The following KIF19 variants were observed in gnomAD, a reference collection of about 807,000 sequenced individuals.
KIF19 encodes the protein kinesin-like protein KIF19.
In KIF19, 98 loss-of-function variants were observed where a neutral mutation model predicts 106.6. The observed-to-expected ratio is 0.92, with a 90% confidence interval of 0.78 to 1.09. The LOEUF (loss-of-function observed/expected upper bound fraction) is 1.09. Ranked by LOEUF, KIF19 falls within the 50% of genes least tolerant of loss-of-function variation. The pLI, the probability that KIF19 is intolerant of heterozygous loss-of-function variation, is 0.00. For missense variants in KIF19, 1,373 were observed against 1,414.3 expected (o/e 0.97, Z 0.47); for synonymous variants, 516 against 584.2 (o/e 0.88, Z 1.68).
Position 74,349,225 on chromosome 17 carries a change from G to A in KIF19, c.1089G>A (p.Gln363=). The A allele has an allele frequency of 6.2e-7, 1 of 1,613,858 alleles. No individual in the cohort carries two copies. Among genetic ancestry groups the A allele is most frequent in the Non-Finnish European group, 8.5e-7 (1 of 1,179,880 alleles). ...NLLNVSYHIA[Q]YTSIIADLRG... ...TGAACGTCTCCTACCACATCGCCCA[G>A]TACACCAGCATCATCGCTGACCTGC... Residue 363 remains glutamine, a synonymous_variant, in exon 10 of 20, where the codon CAG becomes CAA. Coordinates refer to ENST00000389916, the MANE Select transcript of KIF19 (RefSeq NM_153209.4).
chr17:74,346,342 A>G lies in KIF19; in HGVS notation c.778-36A>G. On this transcript the variant is annotated intron_variant, in intron 7 of 19. Transcript: ENST00000389916. The surrounding 1 kb of genome is among the most constrained non-coding windows in gnomAD (Gnocchi z 4.6). Reference sequence around the variant, plus strand: ...GGGGAGAAACCCAGTCCCCTGCCTCATCAGGCCACACGTGTGCCCTTTGCT... The same window carrying G: ...GGGGAGAAACCCAGTCCCCTGCCTCGTCAGGCCACACGTGTGCCCTTTGCT... 2 of 1,550,426 alleles carry G rather than the reference A, an allele frequency of 1.3e-6. No homozygotes were observed. The highest frequency in any genetic ancestry group is 1.7e-6 in the Non-Finnish European group (2 of 1,145,136).
chr17:74,332,230 G>T (rs1178156224), intron 2 of KIF19, among the ~76,000 whole-genome samples: 1 of 133,244 alleles, frequency 7.5e-6, no homozygotes, highest in African/African-American at 2.8e-5. Flanking sequence ...GTGTGTGTGT[G>T]TGTGTGTGTG....
chr17:74,350,094 T>C (rs2054655171), intron 10 of KIF19, among the ~76,000 whole-genome samples: 1 of 152,210 alleles, frequency 6.6e-6, no homozygotes, highest in South Asian at 2.1e-4. Flanking sequence ...CTACTGTGCC[T>C]GGCCACAGAC....
At chr17:74,353,683 C>T (rs1185344253) in intron 17 of KIF19, 102 bp downstream of exon 17, 62 of 929,388 alleles carry the variant, frequency 6.7e-5, no homozygotes, top group South Asian at 5.7e-4. Context: ...CTGCCAAGTG[C>T]AACCAAGCAT....
chr17:74,352,702 C>T, intron 14 of KIF19, 119 bp from the exon 15 acceptor site: 1 of 1,306,716 alleles, frequency 7.7e-7, no homozygotes, highest in Non-Finnish European at 1.1e-6. Context: ...GCCCACTGCC[C>T]TTCTGGGGCT....
In KIF19 at chr17:74,346,629, A is replaced by G; in HGVS notation, c.924+105A>G. 1.9e-6 allele frequency: 2 copies of G among 1,057,052 alleles called. No homozygotes were observed. Among genetic ancestry groups the G allele is most frequent in the Non-Finnish European group, 2.7e-6 (2 of 734,082 alleles). The allele number at this position is 1,057,052 out of a possible 1,614,324, so 65.5% of individuals were successfully genotyped here. A position where few individuals can be genotyped will look rare whatever the true frequency, so the allele number is the denominator to read the frequency against. The stretch of plus-strand genomic sequence containing the variant: ...CAGCTAAATTCCAACCTCAGGATAC[A>G]CAGCAAAATTTATTTTAGCGTAAAT... On this transcript the variant is annotated intron_variant, in intron 8 of 19. Transcript: ENST00000389916. The surrounding 1 kb of genome is among the most constrained non-coding windows in gnomAD (Gnocchi z 4.6).
rs774359305 is a variant in KIF19, at chr17:74,351,892, A to G, written c.1613A>G (p.Glu538Gly). The change falls in exon 13 of 20, where the codon GAG becomes GGG. Residue 538 changes from glutamate (E) to glycine (G), a missense_variant. By Grantham distance (98) the Glu-to-Gly change is moderately conservative. This residue lies in a region of KIF19 where 1,020 missense variants were observed against 1,008.2 expected (regional missense o/e 1.01). Transcript: ENST00000389916. ...QKLALEQRCRELRARGRRLEE... is the reference protein window; with the variant it reads ...QKLALEQRCRGLRARGRRLEE... ...CTGGCGCTGGAGCAGCGCTGCCGGG[A>G]GCTGCGCGCGCGGGGCCGGCGCCTG... The G allele has an allele frequency of 5.0e-6, 7 of 1,409,626 alleles. No individual in the cohort carries two copies. The allele number at this position is 1,409,626 out of a possible 1,614,324, so 87.3% of individuals were successfully genotyped here. A position where few individuals can be genotyped will look rare whatever the true frequency, so the allele number is the denominator to read the frequency against.
chr17:74,342,580 T>C (rs1434397531), intron 3 of KIF19, 50 bp from the exon 4 acceptor site: 1 of 1,440,270 alleles, frequency 6.9e-7, no homozygotes, highest in Admixed American at 1.7e-5. Flanking sequence ...TGGGTGCCTG[T>C]GCTGTGCCCC....
At chr17:74,344,389 C>T in intron 6 of KIF19, 41 bp downstream of exon 6, 1 of 1,601,136 alleles carries the variant, frequency 6.2e-7, no homozygotes, top group Non-Finnish European at 8.5e-7. Flanking sequence ...TGAGAGGAAG[C>T]TCACCGCCTG....
intron 2 of KIF19, among the ~76,000 whole-genome samples, chr17:74,332,480 C>A (rs544307330): frequency 6.6e-6 from 1 of 152,164 alleles, no homozygotes; most frequent in Non-Finnish European, 1.5e-5. Context: ...CTCCCAAAGC[C>A]TGCAGCCCAC....
chr17:74,350,915 GT>G lies in KIF19; in HGVS notation c.1587+13del, dbSNP rs1379076087. 2 of 1,613,146 alleles carry G rather than the reference GT, an allele frequency of 1.2e-6. No homozygotes were observed. The highest frequency in any genetic ancestry group is 8.5e-7 in the Non-Finnish European group (1 of 1,179,846). On this transcript the variant is annotated intron_variant, in intron 12 of 19. Transcript: ENST00000389916. Reference sequence around the variant, plus strand: ...ACTGCGCAAGCAGAAGGTGTCCAGGGTTTGGGGGGACAAGGAGAGTGGGTTT... The same window carrying G: ...ACTGCGCAAGCAGAAGGTGTCCAGGGTTGGGGGGACAAGGAGAGTGGGTTT...
At chr17:74,353,434 G>A in intron 16 of KIF19, 60 bp from the exon 17 acceptor site, 1 of 1,526,452 alleles carries the variant, frequency 6.6e-7, no homozygotes, top group East Asian at 2.3e-5. Flanking sequence ...TCTGCTGAGT[G>A]GGGCATGGGG....
chr17:74,350,463 C>T lies in KIF19; in HGVS notation c.1276C>T (p.Leu426Phe), dbSNP rs757082085. ...KAGMGQLREQ[L>F]ASAFQEQMDV... Reference sequence around the variant, plus strand: ...TGGCATGGGACAGCTTCGGGAGCAGCTCGCCAGCGCCTTCCAGGAGCAGAT... The same window carrying T: ...TGGCATGGGACAGCTTCGGGAGCAGTTCGCCAGCGCCTTCCAGGAGCAGAT... Residue 426 changes from leucine to phenylalanine, a missense_variant, in exon 11 of 20, where the codon CTC becomes TTC. Leu to Phe is a conservative substitution (Grantham distance 22). Coordinates refer to ENST00000389916, the MANE Select transcript of KIF19 (RefSeq NM_153209.4). The T allele has an allele frequency of 5.6e-6, 9 of 1,610,200 alleles. 1 individual carries two copies. Among genetic ancestry groups the T allele is most frequent in the South Asian group, 5.5e-5 (5 of 90,466 alleles).
intron 15 of KIF19, 51 bp downstream of exon 15, chr17:74,353,005 G>A (rs1284027225): frequency 6.2e-7 from 1 of 1,606,470 alleles, no homozygotes; most frequent in Non-Finnish European, 8.5e-7. Context: ...CTGTCCCAGA[G>A]AGGCCAACCC....
intron 2 of KIF19, among the ~76,000 whole-genome samples, chr17:74,337,725 A>G (rs190906186): frequency 2.0e-5 from 3 of 152,250 alleles, no homozygotes; most frequent in Non-Finnish European, 2.9e-5. Flanking sequence ...GAAGGCAGGA[A>G]ACCTGGCCTC....
intron 2 of KIF19, among the ~76,000 whole-genome samples, chr17:74,332,205 TGTGTTTGTGTGTGTGTG>T (rs771808018): frequency 0.1 from 5,463 of 54,388 alleles, 155 homozygotes; most frequent in Non-Finnish European, 0.13. Flanking sequence ...TGTGTGTGTG[TGTGTTTGTGTGTGTGTG>T]TGTGTGTGTG....
At chr17:74,350,651 G>A in intron 11 of KIF19, 56 bp from the exon 12 acceptor site, 1 of 1,610,696 alleles carries the variant, frequency 6.2e-7, no homozygotes, top group Non-Finnish European at 8.5e-7. Context: ...TGGCTGTACA[G>A]TGTGCCCTGC....
At chr17:74,355,027 T>C (rs2054840238) in intron 19 of KIF19, 86 bp downstream of exon 19, 1 of 1,549,914 alleles carries the variant, frequency 6.5e-7, no homozygotes, top group Admixed American at 1.8e-5. Context: ...CCTGCGCCTC[T>C]GGCTGCCCCT....
rs113823975 is a variant in KIF19 at position 74,341,911 on chromosome 17, C to T, written c.156C>T (p.Asp52=). ...TCATGGACCCAATGGAGGATCCCGA[C>T]GACATCCTGCGGGCGCATCGCTCCC... The part of the protein sequence containing the change: ...VVLMDPMEDP[D]DILRAHRSRE... The change falls in exon 3 of 20, where the codon GAC becomes GAT. Residue 52 remains aspartate (D), a synonymous_variant. Coordinates refer to ENST00000389916, the MANE Select transcript of KIF19 (RefSeq NM_153209.4). 78 of 1,613,714 alleles carry T rather than the reference C, an allele frequency of 4.8e-5. 1 individual carries two copies. In the Middle Eastern group the frequency reaches 9.9e-4, roughly 20 times the overall value.
Sources: gnomAD v4.1 joint callset for allele counts (sites outside exome capture counted in the v4.1 genomes callset) on GRCh38, gnomAD v4.1.1 for gene constraint, gnomAD v4.1.1 regional missense constraint, Gnocchi (gnomAD v3.1) non-coding constraint, MANE v1.5 for transcripts, NCBI Gene and HGNC (gene_info 2026-07-23, HGNC 2026-07-21) for gene names.